Variants in XRN2 observed in about 807,000 individuals in gnomAD.
The protein encoded by XRN2 is 5'-3' exoribonuclease 2.
XRN2 carries 44 observed loss-of-function variants against 138.5 expected under a neutral mutation model. That is an observed-to-expected ratio of 0.32 (90% CI 0.25 to 0.41). The LOEUF (loss-of-function observed/expected upper bound fraction) is 0.41. XRN2 is among the 10% of genes least tolerant of loss of function. XRN2 has a pLI of 1.00. For synonymous variants in XRN2, 354 were observed against 369.4 expected, an observed-to-expected ratio of 0.96 and a Z score of 0.48; for missense variants, 937 against 1,169.3, an observed-to-expected ratio of 0.80 and a Z score of 2.90.
intron 1 of XRN2, among the ~76,000 whole-genome samples, chr20:21,304,764 A>C (rs1056635911): frequency 1.3e-4 from 20 of 152,118 alleles, no homozygotes; most frequent in Non-Finnish European, 2.1e-4. Flanking sequence ...TGCCTTTTTC[A>C]TTCCATCGCC....
chr20:21,362,934 T>C (rs958915344), intron 24 of XRN2, among the ~76,000 whole-genome samples: 2 of 152,156 alleles, frequency 1.3e-5, no homozygotes, highest in Admixed American at 1.3e-4. Context: ...CACATCCCCA[T>C]TGAGAAGGGC....
intron 20 of XRN2, among the ~76,000 whole-genome samples, chr20:21,354,027 A>G (rs1328140543): frequency 1.3e-5 from 2 of 152,176 alleles, no homozygotes; most frequent in South Asian, 2.1e-4. Context: ...CCAAAATACT[A>G]CTTATACTGT....
In XRN2 at chr20:21,348,367, G is replaced by T. The variant is rs776581644; in HGVS notation, c.1800G>T (p.Gly600=). 2 of 1,613,946 alleles carry T rather than the reference G, an allele frequency of 1.2e-6. No individual in the cohort carries two copies. The highest frequency in any genetic ancestry group is 4.5e-5 in the East Asian group (2 of 44,866). ...TTAAACCACTAGAACAACTTATGGGGGTATTTCCAGCTGCAAGTGGTAATT... is the reference window on the plus strand; with the variant it reads ...TTAAACCACTAGAACAACTTATGGGTGTATTTCCAGCTGCAAGTGGTAATT... ...KPFKPLEQLM[G]VFPAASGNFL... Residue 600 remains glycine (G), a synonymous_variant, in exon 19 of 30, where the codon GGG becomes GGT. Coordinates refer to ENST00000377191, the MANE Select transcript of XRN2 (RefSeq NM_012255.5).
At chr20:21,344,425 C>T (rs1483649082) in intron 16 of XRN2, among the ~76,000 whole-genome samples, 1 of 152,136 alleles carries the variant, frequency 6.6e-6, no homozygotes, top group African/African-American at 2.4e-5. Context: ...AGTATGCGTG[C>T]AGGCTTTCGT....
intron 1 of XRN2, among the ~76,000 whole-genome samples, chr20:21,324,696 T>C (rs2038099080): frequency 6.6e-6 from 1 of 152,180 alleles, no homozygotes; most frequent in African/African-American, 2.4e-5. Context: ...TACAGTGGTG[T>C]GATCATAGCT....
chr20:21,379,616 A>C (rs868861266), intron 27 of XRN2, among the ~76,000 whole-genome samples: 1 of 152,222 alleles, frequency 6.6e-6, no homozygotes, highest in Non-Finnish European at 1.5e-5. Context: ...AAAATGGAAA[A>C]TAGAGAGGCA....
intron 24 of XRN2, among the ~76,000 whole-genome samples, chr20:21,362,221 T>G (rs1213105768): frequency 6.6e-6 from 1 of 152,212 alleles, no homozygotes; most frequent in Non-Finnish European, 1.5e-5. Flanking sequence ...ACAATTTTAT[T>G]AAGGAATAAT....
intron 27 of XRN2, among the ~76,000 whole-genome samples, chr20:21,376,018 T>G (rs2038818320): frequency 6.6e-6 from 1 of 152,094 alleles, no homozygotes; most frequent in South Asian, 2.1e-4. Context: ...TTTTGTGTTT[T>G]TAGTAGAGAC....
Position 21,332,356 on chromosome 20 carries a change from C to T in XRN2, c.774C>T (p.Asn258=), listed in dbSNP as rs139188534. 1.2e-4 allele frequency: 195 copies of T among 1,613,656 alleles called. No individual in the cohort carries two copies. In the African/African-American group the frequency reaches 2.4e-3, roughly 20 times the overall value. Residue 258 remains asparagine (N), a synonymous_variant, in exon 9 of 30, where the codon AAC becomes AAT. Coordinates refer to ENST00000377191, the MANE Select transcript of XRN2 (RefSeq NM_012255.5). ...FTIIREEFKP[N]KPKPCGLCNQ... Reference sequence around the variant, plus strand: ...TTATTAGAGAAGAATTCAAACCAAACAAGCCCAAACCATGTGGTCTTTGTA... The same window carrying T: ...TTATTAGAGAAGAATTCAAACCAAATAAGCCCAAACCATGTGGTCTTTGTA...
In XRN2 at chr20:21,305,860, C is replaced by T. The variant is rs1483430644; in HGVS notation, c.75+2387C>T. ...CGCCTTCGGGGTTCACGCCATTCTC[C>T]TGCCTCAGCCTCCTAAGTAGCTGGG... On this transcript the variant is annotated intron_variant, in intron 1 of 29. Coordinates refer to ENST00000377191, the MANE Select transcript of XRN2 (RefSeq NM_012255.5). Among the ~76,000 whole-genome samples the T allele has an allele frequency of 7.1e-5, 5 of 70,252 alleles. 1 individual carries two copies. The highest frequency in any genetic ancestry group is 1.6e-4 in the African/African-American group (4 of 25,648). 46.1% of individuals were successfully genotyped at this position (70,252 alleles called of 152,430 possible).
At chr20:21,367,275 G>T (rs1388088783) in intron 26 of XRN2, among the ~76,000 whole-genome samples, 1 of 152,108 alleles carries the variant, frequency 6.6e-6, no homozygotes, top group Non-Finnish European at 1.5e-5. Flanking sequence ...ACAATAACAG[G>T]TAAAGCTGGT....
At chr20:21,357,263 T>G (rs2038586841) in intron 23 of XRN2, among the ~76,000 whole-genome samples, 1 of 152,188 alleles carries the variant, frequency 6.6e-6, no homozygotes, top group Non-Finnish European at 1.5e-5. Flanking sequence ...AGACCAGAGT[T>G]TGTGAACCAC....
chr20:21,330,554 A>G lies in XRN2; in HGVS notation c.486+15A>G, dbSNP rs754398439. ...GTATTACACCAGTAAGTAGTCTCAT[A>G]CTTTGCTAGCTATTGCTAACTCTTA... On this transcript the variant is annotated intron_variant, in intron 5 of 29. Transcript: ENST00000377191. 5 of 1,613,826 alleles carry G rather than the reference A, an allele frequency of 3.1e-6. No homozygotes were observed. In the South Asian group the frequency reaches 3.3e-5, roughly 11 times the overall value.
chr20:21,357,939 A>G (rs2038595402), intron 24 of XRN2, 147 bp downstream of exon 24: 1 of 545,168 alleles, frequency 1.8e-6, no homozygotes, highest in South Asian at 3.4e-5. Flanking sequence ...TGCAGACCTT[A>G]CAGCAGAGCC....
intron 6 of XRN2, among the ~76,000 whole-genome samples, chr20:21,331,341 A>T (rs570136028): frequency 0.01 from 1,564 of 151,136 alleles, 14 homozygotes; most frequent in Non-Finnish European, 0.017. Context: ...GGTGTCTCTC[A>T]CACACACACA....
intron 1 of XRN2, among the ~76,000 whole-genome samples, chr20:21,311,698 T>G (rs2037882935): frequency 1.3e-5 from 2 of 152,156 alleles, no homozygotes; most frequent in Non-Finnish European, 2.9e-5. Context: ...TTTAAAATGA[T>G]TATTGATGGC....
intron 28 of XRN2, among the ~76,000 whole-genome samples, chr20:21,386,184 A>G (rs763629869): frequency 6.6e-6 from 1 of 152,260 alleles, no homozygotes; most frequent in Non-Finnish European, 1.5e-5. Flanking sequence ...TGCGACAGCA[A>G]ACTGGGTTAT....
intron 1 of XRN2, among the ~76,000 whole-genome samples, chr20:21,313,851 G>A (rs925147191): frequency 6.6e-6 from 1 of 152,268 alleles, no homozygotes; most frequent in Non-Finnish European, 1.5e-5. Flanking sequence ...ATTTATCCTT[G>A]ACCCTACATT....
chr20:21,324,631 T>TAGA (rs2038097437), intron 1 of XRN2, among the ~76,000 whole-genome samples: 1 of 152,138 alleles, frequency 6.6e-6, no homozygotes, highest in Admixed American at 6.5e-5. Context: ...TTCCTCTAAG[T>TAGA]TGATCTGTTT....
Sources: gnomAD v4.1 joint callset for allele counts (sites outside exome capture counted in the v4.1 genomes callset) on GRCh38, gnomAD v4.1.1 for gene constraint, MANE v1.5 for transcripts, NCBI Gene and HGNC (gene_info 2026-07-23, HGNC 2026-07-21) for gene names.